Variants in MYO5B observed in about 807,000 individuals in gnomAD.
MYO5B encodes myosin VB.
Under a neutral mutation model 229.3 loss-of-function variants are expected in MYO5B, and 143 were observed. That is an observed-to-expected ratio of 0.62 (90% CI 0.54 to 0.72). MYO5B has a LOEUF of 0.72. Ranked by LOEUF, MYO5B falls within the 30% of genes least tolerant of loss-of-function variation. MYO5B has a pLI of 0.00. For missense variants in MYO5B, 2,321 were observed against 2,331.0 expected (o/e 1.00, Z 0.09); for synonymous variants, 918 against 885.2 (o/e 1.04, Z -0.66).
In MYO5B at chr18:49,942,060, A is replaced by C. The variant is rs564550851; in HGVS notation, c.1753-4663T>G. 2.5e-3 allele frequency among the ~76,000 whole-genome samples: 319 copies of C among 129,936 alleles called. 3 individuals are homozygous for C. Among genetic ancestry groups the C allele is most frequent in the African/African-American group, 9.3e-3 (302 of 32,586 alleles). The allele number at this position is 129,936 out of a possible 152,430, so 85.2% of individuals were successfully genotyped here. ...TATCTACAACCATCTGATCTTTGAC[A>C]AACCTGACAAAAACAAGCAACGGGG... is the stretch of plus-strand genomic sequence containing the variant. On this transcript the variant is annotated intron_variant, in intron 14 of 39. Coordinates refer to ENST00000285039, the MANE Select transcript of MYO5B (RefSeq NM_001080467.3).
Position 50,127,490 on chromosome 18 carries a change from C to G in MYO5B, c.27+67277G>C, listed in dbSNP as rs59072256. Among the ~76,000 whole-genome samples the G allele has an allele frequency of 6.1e-3, 936 of 152,272 alleles. 8 individuals carry two copies. Among genetic ancestry groups the G allele is most frequent in the African/African-American group, 0.022 (911 of 41,530 alleles). On this transcript the variant is annotated intron_variant, in intron 1 of 39. Transcript: ENST00000285039. ...CTCATGGTATCTGCCACCCTTCACACCTGGTAGAGGAGGTAAGGAGTCCTC... is the reference window on the plus strand; with the variant it reads ...CTCATGGTATCTGCCACCCTTCACAGCTGGTAGAGGAGGTAAGGAGTCCTC...
chr18:50,048,694 C>G (rs2030305446), intron 2 of MYO5B, among the ~76,000 whole-genome samples: 1 of 152,122 alleles, frequency 6.6e-6, no homozygotes, highest in Admixed American at 6.6e-5. Context: ...TCTGAGAAGT[C>G]AGCAGGAAAT....
intron 17 of MYO5B, among the ~76,000 whole-genome samples, chr18:49,928,831 G>A (rs938666171): frequency 5.3e-5 from 8 of 152,176 alleles, no homozygotes; most frequent in Non-Finnish European, 8.8e-5. Context: ...CCTGGATGGA[G>A]TTAGAGACCA....
chr18:49,872,920 A>G (rs1176674716), intron 26 of MYO5B, among the ~76,000 whole-genome samples: 1 of 152,232 alleles, frequency 6.6e-6, no homozygotes, highest in Non-Finnish European at 1.5e-5. Context: ...GGAAGCTAAC[A>G]CACACTGTAA....
chr18:50,186,263 C>T (rs916762904), intron 1 of MYO5B, among the ~76,000 whole-genome samples: 6 of 152,212 alleles, frequency 3.9e-5, no homozygotes, highest in African/African-American at 1.4e-4. Context: ...GTCCAGAGAA[C>T]ATGCCTAAGT....
At chr18:50,078,289 G>A (rs968063849) in intron 1 of MYO5B, among the ~76,000 whole-genome samples, 21 of 152,230 alleles carry the variant, frequency 1.4e-4, no homozygotes, top group African/African-American at 4.6e-4. Flanking sequence ...GGTGCCTTTC[G>A]ATCATGCTTG....
chr18:50,146,489 A>G (rs1167866406), intron 1 of MYO5B, among the ~76,000 whole-genome samples: 2 of 152,198 alleles, frequency 1.3e-5, no homozygotes, highest in African/African-American at 4.8e-5. Flanking sequence ...CCAGTGAGGA[A>G]ACCTGCACCA....
intron 21 of MYO5B, among the ~76,000 whole-genome samples, chr18:49,896,663 C>T (rs939401005): frequency 3.3e-5 from 5 of 152,228 alleles, no homozygotes; most frequent in South Asian, 2.1e-4. Flanking sequence ...AAGAGAGGCA[C>T]GCATGGTAAC....
intron 2 of MYO5B, among the ~76,000 whole-genome samples, chr18:50,049,111 G>C (rs1460697478): frequency 6.6e-6 from 1 of 151,750 alleles, no homozygotes; most frequent in Non-Finnish European, 1.5e-5. Context: ...ATCCTGCCAT[G>C]GCCACCACTG....
At chr18:49,931,300 G>A (rs2025188380) in intron 16 of MYO5B, among the ~76,000 whole-genome samples, 1 of 152,066 alleles carries the variant, frequency 6.6e-6, no homozygotes, top group African/African-American at 2.4e-5. Flanking sequence ...CTCATCCCAT[G>A]AGACACCCAC....
intron 1 of MYO5B, among the ~76,000 whole-genome samples, chr18:50,064,809 C>A (rs966785272): frequency 3.3e-5 from 5 of 152,136 alleles, no homozygotes; most frequent in African/African-American, 1.2e-4. Flanking sequence ...TTTTAAAAAC[C>A]TGTTCCATTC....
chr18:49,926,189 C>T (rs894084661), intron 17 of MYO5B, among the ~76,000 whole-genome samples: 3 of 152,326 alleles, frequency 2.0e-5, no homozygotes, highest in South Asian at 2.1e-4. Context: ...AAAAGCTGCC[C>T]GGGTGTTGCA....
Position 49,836,892 on chromosome 18 carries a change from C to T in MYO5B, c.5139-7G>A. On this transcript the variant is annotated splice_polypyrimidine_tract_variant and splice_region_variant and intron_variant, in intron 37 of 39. Transcript: ENST00000285039. Reference sequence around the variant, plus strand: ...AAGCTGACTTATATTGTACCTTAGCCATAGGTAGAAAGCAAGCTATGTTAA... The same window carrying T: ...AAGCTGACTTATATTGTACCTTAGCTATAGGTAGAAAGCAAGCTATGTTAA... 4 of 1,613,798 alleles carry T rather than the reference C, an allele frequency of 2.5e-6. No homozygotes were observed. The highest frequency in any genetic ancestry group is 3.4e-6 in the Non-Finnish European group (4 of 1,179,816).
intron 5 of MYO5B, among the ~76,000 whole-genome samples, chr18:49,997,369 C>CTTTTTTTTTTTTTTTTTTTTTTTTTTT (rs34011258): frequency 2.2e-4 from 13 of 60,356 alleles, no homozygotes; most frequent in African/African-American, 9.3e-4. Flanking sequence ...TCCTTTCTTT[C>CTTTTTTTTTTTTTTTTTTTTTTTTTTT]TTTTTTTTTT....
At chr18:49,925,913 A>G (rs2025124073) in intron 17 of MYO5B, among the ~76,000 whole-genome samples, 1 of 152,202 alleles carries the variant, frequency 6.6e-6, no homozygotes, top group Non-Finnish European at 1.5e-5. Flanking sequence ...CCCCTCCATC[A>G]AAAGGCCAAT....
intron 14 of MYO5B, among the ~76,000 whole-genome samples, chr18:49,948,439 C>T (rs1787290): frequency 0.23 from 35,350 of 152,074 alleles, 5,859 homozygotes; most frequent in African/African-American, 0.47. Flanking sequence ...TCTCCTGTAT[C>T]ATAAGGGAGA....
At chr18:49,856,762 G>A (rs370987024) in intron 30 of MYO5B, 51 bp downstream of exon 30, 6 of 1,465,696 alleles carry the variant, frequency 4.1e-6, no homozygotes, top group Non-Finnish European at 5.7e-6. Flanking sequence ...GCATAGACAT[G>A]AGCAGGCCCA....
At chr18:49,907,801 C>T (rs973484946) in intron 18 of MYO5B, among the ~76,000 whole-genome samples, 5 of 152,258 alleles carry the variant, frequency 3.3e-5, no homozygotes, top group Admixed American at 2.0e-4. Context: ...ACTGAGTCCC[C>T]GGCCTGGGCC....
At chr18:49,888,016 G>A (rs890949616) in intron 22 of MYO5B, among the ~76,000 whole-genome samples, 1 of 152,124 alleles carries the variant, frequency 6.6e-6, no homozygotes, top group African/African-American at 2.4e-5. Flanking sequence ...CGCAAGAACA[G>A]TCTAATATAG....
Sources: allele counts gnomAD v4.1 joint callset (sites outside exome capture counted in the v4.1 genomes callset), GRCh38; gene constraint gnomAD v4.1.1; transcripts MANE v1.5; gene names NCBI Gene and HGNC (gene_info 2026-07-23, HGNC 2026-07-21).